ZNF618: variants seen among roughly 807,000 people sequenced by gnomAD.
The protein encoded by ZNF618 is zinc finger protein 618.
A neutral mutation model predicts 103.0 loss-of-function variants in ZNF618; 34 were observed. The observed-to-expected ratio is 0.33, with a 90% CI of 0.25 to 0.44. ZNF618 has a LOEUF of 0.44. Ranked by LOEUF, ZNF618 falls within the 20% of genes least tolerant of loss-of-function variation. The probability of loss-of-function intolerance (pLI) is 1.00; values close to 1 mark genes in which losing one functional copy is unlikely to be tolerated. For synonymous variants in ZNF618, 551 were observed against 542.2 expected (o/e 1.02, Z -0.23); for missense variants, 1,059 against 1,295.4 (o/e 0.82, Z 2.80).
chr9:114,015,294 A>G (rs574432838), intron 9 of ZNF618, among the ~76,000 whole-genome samples: 3 of 152,374 alleles, frequency 2.0e-5, no homozygotes, highest in Non-Finnish European at 2.9e-5. Flanking sequence ...TAGCCATTTC[A>G]TAAATGTCAA....
chr9:113,962,681 T>C (rs1344704759), intron 1 of ZNF618, among the ~76,000 whole-genome samples: 2 of 152,066 alleles, frequency 1.3e-5, no homozygotes, highest in African/African-American at 4.8e-5. Flanking sequence ...TGGCCAACTC[T>C]CTCACCCTCT....
intron 1 of ZNF618, among the ~76,000 whole-genome samples, chr9:113,907,297 A>G (rs990905660): frequency 6.6e-6 from 1 of 152,220 alleles, no homozygotes; most frequent in Non-Finnish European, 1.5e-5. Context: ...AGGCAGAAAC[A>G]AAACTGTCCA....
intron 1 of ZNF618, among the ~76,000 whole-genome samples, chr9:113,917,114 C>T (rs776815455): frequency 6.6e-6 from 1 of 152,072 alleles, no homozygotes; most frequent in Non-Finnish European, 1.5e-5. Context: ...TCACACCAGA[C>T]ATTGCAGCCT....
At chr9:113,992,895 G>C (rs549866623) in intron 3 of ZNF618, among the ~76,000 whole-genome samples, 1 of 152,324 alleles carries the variant, frequency 6.6e-6, no homozygotes, top group African/African-American at 2.4e-5. Flanking sequence ...CTGCTTCCCT[G>C]CTGCCCAGAG....
intron 2 of ZNF618, among the ~76,000 whole-genome samples, chr9:113,978,449 GC>G (rs1246668282): frequency 1.3e-5 from 2 of 152,186 alleles, no homozygotes; most frequent in Non-Finnish European, 2.9e-5. Flanking sequence ...CAAGCGCAGA[GC>G]CCAGGCGCCT....
At chr9:113,878,873 CTG>C (rs1357201336) in intron 1 of ZNF618, among the ~76,000 whole-genome samples, 2 of 152,148 alleles carry the variant, frequency 1.3e-5, no homozygotes, top group African/African-American at 4.8e-5. Context: ...TATATTATCT[CTG>C]TGAAATATAT....
chr9:114,007,358 A>C lies in ZNF618; in HGVS notation c.559A>C (p.Arg187=), dbSNP rs1203764630. The C allele has an allele frequency of 2.2e-5, 36 of 1,613,544 alleles. No homozygotes were observed. The highest frequency in any genetic ancestry group is 2.9e-5 in the Non-Finnish European group (34 of 1,179,774). ...GEGASQSNNF[R]YTCDICGKKY... ...GTTTTCATCCCATGCAGACAATTTC[A>C]GGTACACATGTGATATCTGCGGGAA... The change falls in exon 7 of 15, where the codon AGG becomes CGG. Residue 187 remains arginine (R), a synonymous_variant. Transcript: ENST00000374126.
chr9:113,966,494 A>C (rs1333043467), intron 1 of ZNF618, among the ~76,000 whole-genome samples: 1 of 152,210 alleles, frequency 6.6e-6, no homozygotes, highest in Non-Finnish European at 1.5e-5. Context: ...GCAATGTCAG[A>C]GGTTCAGCTT....
chr9:113,989,408 A>G (rs1466958919), intron 3 of ZNF618, among the ~76,000 whole-genome samples: 1 of 152,210 alleles, frequency 6.6e-6, no homozygotes, highest in Admixed American at 6.5e-5. Context: ...TGTTGCAACC[A>G]ATTGACCTTT....
intron 9 of ZNF618, among the ~76,000 whole-genome samples, chr9:114,014,436 G>T (rs1038782336): frequency 3.9e-5 from 6 of 152,178 alleles, no homozygotes; most frequent in African/African-American, 1.2e-4. Flanking sequence ...TGTGGATGGA[G>T]TTTTAAATTT....
chr9:113,910,379 C>T (rs1162103855), intron 1 of ZNF618, among the ~76,000 whole-genome samples: 6 of 152,142 alleles, frequency 3.9e-5, no homozygotes, highest in African/African-American at 1.4e-4. Context: ...TGATTCCTGC[C>T]GAGTCCACTT....
intron 9 of ZNF618, chr9:114,016,011 G>A: frequency 3.6e-6 from 4 of 1,114,484 alleles, no homozygotes; most frequent in Non-Finnish European, 5.3e-6. Flanking sequence ...TCCCCCAAGG[G>A]GGTAGATGCT....
intron 3 of ZNF618, among the ~76,000 whole-genome samples, chr9:113,996,404 G>A (rs1046829330): frequency 6.6e-6 from 1 of 152,112 alleles, no homozygotes; most frequent in African/African-American, 2.4e-5. Context: ...TTTGTGTATT[G>A]TGAAAGGTGC....
chr9:113,943,393 C>T (rs1284196629), intron 1 of ZNF618, among the ~76,000 whole-genome samples: 1 of 152,130 alleles, frequency 6.6e-6, no homozygotes, highest in Non-Finnish European at 1.5e-5. Context: ...ACTGCGTGTA[C>T]AGAAGCCTGG....
chr9:113,912,197 G>T (rs1383955224), intron 1 of ZNF618, among the ~76,000 whole-genome samples: 3 of 152,222 alleles, frequency 2.0e-5, no homozygotes, highest in Admixed American at 6.5e-5. Context: ...TTCCCAGCCA[G>T]ACCAGTGAGT....
intron 1 of ZNF618, among the ~76,000 whole-genome samples, chr9:113,902,409 A>G (rs898840435): frequency 4.6e-5 from 7 of 152,104 alleles, no homozygotes; most frequent in Admixed American, 1.3e-4. Flanking sequence ...GTGTGTGGCT[A>G]TCTTTGCTTG....
chr9:113,976,749 C>T (rs1444547761), intron 2 of ZNF618, among the ~76,000 whole-genome samples: 1 of 152,196 alleles, frequency 6.6e-6, no homozygotes, highest in Non-Finnish European at 1.5e-5. Context: ...GAGTACTCCA[C>T]TGACAGCCTG....
intron 2 of ZNF618, among the ~76,000 whole-genome samples, chr9:113,985,156 C>G (rs537051250): frequency 6.6e-6 from 1 of 152,310 alleles, no homozygotes; most frequent in South Asian, 2.1e-4. Context: ...GTGTTTGTCC[C>G]CATTGTTTGG....
intron 1 of ZNF618, among the ~76,000 whole-genome samples, chr9:113,962,742 G>A (rs918533661): frequency 1.1e-4 from 17 of 152,114 alleles, no homozygotes; most frequent in African/African-American, 3.9e-4. Context: ...TAAAATTGCA[G>A]CCTGTGGCTC....
Sources: gnomAD v4.1 joint callset for allele counts (sites outside exome capture counted in the v4.1 genomes callset) on GRCh38, gnomAD v4.1.1 for gene constraint, MANE v1.5 for transcripts, NCBI Gene and HGNC (gene_info 2026-07-23, HGNC 2026-07-21) for gene names.